The following ADAMTSL1 variants were observed in gnomAD, a reference collection of about 807,000 sequenced individuals.
The protein encoded by ADAMTSL1 is ADAMTS-like protein 1.
A neutral mutation model predicts 201.8 loss-of-function variants in ADAMTSL1; 126 were observed. That is an observed-to-expected ratio of 0.62 (90% CI 0.54 to 0.72). The LOEUF (loss-of-function observed/expected upper bound fraction) is 0.72. Ranked by LOEUF, ADAMTSL1 falls within the 30% of genes least tolerant of loss-of-function variation. The probability of loss-of-function intolerance (pLI) is 0.00; values close to 1 mark genes in which losing one functional copy is unlikely to be tolerated. For missense variants in ADAMTSL1, 2,679 were observed against 2,277.8 expected (o/e 1.18, Z -3.59); for synonymous variants, 1,121 against 903.4 (o/e 1.24, Z -4.32).
At chr9:18,298,399 A>G (rs1408681237) in intron 2 of ADAMTSL1, among the ~76,000 whole-genome samples, 2 of 152,184 alleles carry the variant, frequency 1.3e-5, no homozygotes, top group East Asian at 3.9e-4. Context: ...TCCAAAATGA[A>G]AGGAAGGAGG....
At chr9:18,132,707 T>A (rs187540525) in intron 1 of ADAMTSL1, among the ~76,000 whole-genome samples, 3 of 152,152 alleles carry the variant, frequency 2.0e-5, no homozygotes, top group African/African-American at 7.2e-5. Flanking sequence ...TGTACCCTTT[T>A]TCCCCCCTTT....
At chr9:18,264,937 A>G (rs1832063208) in intron 2 of ADAMTSL1, among the ~76,000 whole-genome samples, 1 of 152,308 alleles carries the variant, frequency 6.6e-6, no homozygotes, top group South Asian at 2.1e-4. Context: ...ATAAATAATG[A>G]TAGTATGTTT....
intron 8 of ADAMTSL1, 39 bp downstream of exon 8, chr9:18,657,789 G>A (rs1461234071): frequency 6.6e-7 from 1 of 1,524,226 alleles, no homozygotes; most frequent in African/African-American, 1.4e-5. Context: ...GTTGGCTTCT[G>A]TGAGGAAATA....
chr9:18,323,625 C>T (rs993878115), intron 2 of ADAMTSL1, among the ~76,000 whole-genome samples: 8 of 152,106 alleles, frequency 5.3e-5, no homozygotes, highest in South Asian at 2.1e-4. Flanking sequence ...TCCACAAAAA[C>T]ATTTACAAGT....
chr9:18,149,370 A>G (rs181179000), intron 1 of ADAMTSL1, among the ~76,000 whole-genome samples: 203 of 152,176 alleles, frequency 1.3e-3, no homozygotes, highest in Non-Finnish European at 2.2e-3. Context: ...AAAGAAGAAA[A>G]AATGGTTGGA....
chr9:18,146,063 CA>C (rs923161346), intron 1 of ADAMTSL1, among the ~76,000 whole-genome samples: 4 of 151,982 alleles, frequency 2.6e-5, no homozygotes, highest in Non-Finnish European at 4.4e-5. Flanking sequence ...GACTAAAATC[CA>C]AAAACTAGTC....
chr9:18,386,218 A>G (rs931960960), intron 2 of ADAMTSL1, among the ~76,000 whole-genome samples: 2 of 152,192 alleles, frequency 1.3e-5, no homozygotes, highest in Admixed American at 6.5e-5. Context: ...TTGAAAATAT[A>G]CTGTTGGTTC....
intron 2 of ADAMTSL1, among the ~76,000 whole-genome samples, chr9:18,165,494 T>G (rs1047879954): frequency 3.9e-5 from 6 of 151,928 alleles, no homozygotes; most frequent in African/African-American, 1.4e-4. Flanking sequence ...TCCATTAAAA[T>G]GAAAACTGTC....
chr9:18,585,426 G>GT (rs1399463239), intron 4 of ADAMTSL1, among the ~76,000 whole-genome samples: 1 of 151,998 alleles, frequency 6.6e-6, no homozygotes, highest in African/African-American at 2.4e-5. Context: ...GTGATGTATA[G>GT]TTTTTTTAAT....
chr9:18,034,723 C>G (rs1336724521), intron 1 of ADAMTSL1, among the ~76,000 whole-genome samples: 1 of 152,092 alleles, frequency 6.6e-6, no homozygotes. Flanking sequence ...CTGGCTTTGC[C>G]TCTCATTAAC....
chr9:18,502,094 C>T (rs1327261386), intron 1 of ADAMTSL1, among the ~76,000 whole-genome samples: 1 of 152,214 alleles, frequency 6.6e-6, no homozygotes, highest in African/African-American at 2.4e-5. Flanking sequence ...GGAAACTCTC[C>T]AAGGATTTGG....
chr9:18,688,706 A>ATG (rs1831024242), intron 13 of ADAMTSL1, among the ~76,000 whole-genome samples: 1 of 107,384 alleles, frequency 9.3e-6, no homozygotes, highest in Non-Finnish European at 1.9e-5. Context: ...ATATATATAT[A>ATG]TATGACTGTG....
In ADAMTSL1 at chr9:18,784,410, G is replaced by C. The variant is rs562025863; in HGVS notation, c.3677+6504G>C. On this transcript the variant is annotated intron_variant, in intron 19 of 28. Coordinates refer to ENST00000380548, the MANE Select transcript of ADAMTSL1 (RefSeq NM_001040272.6). ...GAATGAATAAATAAAGGAATGAATAGTTGGATGCCCACGATTAGGAGGGAG... is the reference window on the plus strand; with the variant it reads ...GAATGAATAAATAAAGGAATGAATACTTGGATGCCCACGATTAGGAGGGAG... 5.3e-5 allele frequency among the ~76,000 whole-genome samples: 8 copies of C among 152,316 alleles called. No homozygotes were observed. In the East Asian group the frequency reaches 1.5e-3, roughly 29 times the overall value.
At chr9:18,136,616 G>T (rs1427244917) in intron 1 of ADAMTSL1, among the ~76,000 whole-genome samples, 1 of 151,990 alleles carries the variant, frequency 6.6e-6, no homozygotes, top group Non-Finnish European at 1.5e-5. Flanking sequence ...TCACAGAGAG[G>T]ATAAGATTTA....
intron 2 of ADAMTSL1, among the ~76,000 whole-genome samples, chr9:18,358,981 G>T (rs1297337266): frequency 6.6e-6 from 1 of 152,088 alleles, no homozygotes; most frequent in Non-Finnish European, 1.5e-5. Flanking sequence ...TAGGGGTTGG[G>T]AGTGTCTTAA....
At chr9:18,112,857 C>T (rs191826573) in intron 1 of ADAMTSL1, among the ~76,000 whole-genome samples, 1 of 152,128 alleles carries the variant, frequency 6.6e-6, no homozygotes, top group Non-Finnish European at 1.5e-5. Context: ...GAGCTTAATA[C>T]CTATTAGTTG....
intron 9 of ADAMTSL1, among the ~76,000 whole-genome samples, chr9:18,674,597 T>C (rs1028979033): frequency 6.6e-6 from 1 of 152,026 alleles, no homozygotes; most frequent in Non-Finnish European, 1.5e-5. Flanking sequence ...ACCTACTATA[T>C]CATCTTATAT....
chr9:18,620,503 T>C (rs1311808981), intron 4 of ADAMTSL1, among the ~76,000 whole-genome samples: 1 of 152,214 alleles, frequency 6.6e-6, no homozygotes, highest in African/African-American at 2.4e-5. Flanking sequence ...CACACTGTAC[T>C]CAGAATATAA....
intron 1 of ADAMTSL1, among the ~76,000 whole-genome samples, chr9:18,102,062 G>C (rs759375347): frequency 6.6e-6 from 1 of 152,156 alleles, no homozygotes; most frequent in African/African-American, 2.4e-5. Flanking sequence ...ACTTCCTTTT[G>C]AGAAAGGCGT....
Sources: gnomAD v4.1 joint callset for allele counts (sites outside exome capture counted in the v4.1 genomes callset) on GRCh38, gnomAD v4.1.1 for gene constraint, MANE v1.5 for transcripts, NCBI Gene and HGNC (gene_info 2026-07-23, HGNC 2026-07-21) for gene names.